Variants in GLIPR1L1 observed in about 807,000 individuals in gnomAD.
GLIPR1L1 encodes GLIPR1-like protein 1.
In GLIPR1L1, 26 loss-of-function variants were observed where a neutral mutation model predicts 29.9. The ratio of observed to expected loss-of-function variants is 0.87; its 90% CI spans 0.64 to 1.21. GLIPR1L1 has a LOEUF of 1.21. GLIPR1L1 is among the 50% of genes most tolerant of loss of function. The pLI is 0.00. For missense variants in GLIPR1L1, 305 were observed against 290.3 expected (o/e 1.05, Z -0.37); for synonymous variants, 77 against 97.5 (o/e 0.79, Z 1.24).
At chr12:75,369,838 T>C (rs2044241525) in intron 4 of GLIPR1L1, 122 bp from the exon 5 acceptor site, 1 of 1,329,804 alleles carries the variant, frequency 7.5e-7, no homozygotes, top group Admixed American at 3.4e-5. Flanking sequence ...TTTCATTTTC[T>C]TGTTAAAAAG....
At chr12:75,354,101 C>T (rs1181866740) in intron 3 of GLIPR1L1, among the ~76,000 whole-genome samples, 4 of 145,082 alleles carry the variant, frequency 2.8e-5, no homozygotes, top group African/African-American at 1.0e-4. Flanking sequence ...AATGTCCTCT[C>T]TCACCACTTC....
chr12:75,359,372 T>TC (rs2043405095), intron 3 of GLIPR1L1, among the ~76,000 whole-genome samples: 1 of 138,360 alleles, frequency 7.2e-6, no homozygotes, highest in African/African-American at 2.7e-5. Context: ...TTTTTTTTTT[T>TC]TTTTTTTTTT....
At position 75,343,997 on chromosome 12, in the gene GLIPR1L1, A is replaced by T. The variant is rs2042289138; in HGVS notation, c.420+59A>T. 1.9e-5 allele frequency: 26 copies of T among 1,400,764 alleles called. No individual in the cohort carries two copies. The South Asian group carries it at 3.1e-4, about 17-fold the overall frequency. The allele number at this position is 1,400,764 out of a possible 1,614,324, so 86.8% of individuals were successfully genotyped here. A position where few individuals can be genotyped will look rare whatever the true frequency, so the allele number is the denominator to read the frequency against. ...ATTTGTGCATATTTTAATTGCCAGA[A>T]TTTATTTCTCTGTATGTAAAGTGCC... On this transcript the variant is annotated intron_variant, in intron 2 of 5. Coordinates refer to ENST00000378695, the MANE Select transcript of GLIPR1L1 (RefSeq NM_001304964.2).
chr12:75,358,354 A>G (rs990190783), intron 3 of GLIPR1L1, among the ~76,000 whole-genome samples: 1 of 151,928 alleles, frequency 6.6e-6, no homozygotes, highest in Non-Finnish European at 1.5e-5. Context: ...GAATCCAACA[A>G]TATTTTAAAA....
chr12:75,337,686 C>T (rs912953898), intron 1 of GLIPR1L1, among the ~76,000 whole-genome samples: 7 of 151,836 alleles, frequency 4.6e-5, no homozygotes, highest in Non-Finnish European at 1.0e-4. Context: ...TTCATATATG[C>T]GTGCCATGTT....
intron 4 of GLIPR1L1, among the ~76,000 whole-genome samples, chr12:75,363,936 A>C (rs1355062100): frequency 6.6e-6 from 1 of 152,228 alleles, no homozygotes; most frequent in African/African-American, 2.4e-5. Context: ...GTCAAAAGTC[A>C]AAGGCAGATT....
rs1314336961 is a variant in GLIPR1L1 at position 75,370,466 on chromosome 12, T to G, written c.*290T>G. 4.6e-6 allele frequency: 1 copy of G among 219,174 alleles called. No homozygotes were observed. The highest frequency in any genetic ancestry group is 9.1e-6 in the Non-Finnish European group (1 of 109,712). The allele number at this position is 219,174 out of a possible 1,614,324, so 13.6% of individuals were successfully genotyped here. On this transcript the variant is annotated 3_prime_UTR_variant, in exon 6 of 6. Transcript: ENST00000378695. ...GATTATCATTTTAGTTATAGTACAT[T>G]TAGAGAACTAAAGACTTTTCACATA...
In GLIPR1L1 at chr12:75,349,680, T is replaced by A. The variant is rs372428077; in HGVS notation, c.521+1958T>A. ...GAGATTTTTTAGAAGTTAAAATTAA[T>A]GAAATATTAGACATTCCAGAAAAAA... is the stretch of plus-strand genomic sequence containing the variant. On this transcript the variant is annotated intron_variant, in intron 3 of 5. Coordinates refer to ENST00000378695, the MANE Select transcript of GLIPR1L1 (RefSeq NM_001304964.2). 2.6e-5 allele frequency among the ~76,000 whole-genome samples: 4 copies of A among 152,242 alleles called. No homozygotes were observed. The East Asian group carries it at 5.8e-4, about 22-fold the overall frequency.
chr12:75,354,170 G>C lies in GLIPR1L1; in HGVS notation c.521+6448G>C, dbSNP rs558010427. 8.3e-5 allele frequency among the ~76,000 whole-genome samples: 12 copies of C among 145,008 alleles called. 1 individual carries two copies. The highest frequency in any genetic ancestry group is 4.8e-4 in the South Asian group (2 of 4,178). ...CAATCAGGGAAGAGAAAAAAAAGGG[G>C]GGGGGGTATTCAAATAGGAAAAGAG... On this transcript the variant is annotated intron_variant, in intron 3 of 5. Transcript: ENST00000378695.
In GLIPR1L1 at chr12:75,363,202, T is replaced by C. The variant is rs201262739; in HGVS notation, c.610+12T>C. On this transcript the variant is annotated intron_variant, in intron 4 of 5. Coordinates refer to ENST00000378695, the MANE Select transcript of GLIPR1L1 (RefSeq NM_001304964.2). ...AAAGAACCTCTGCAGTAAGCAAAAA[T>C]ATATATATATAATTACATTTAGAGA... The C allele has an allele frequency of 8.9e-7, 1 of 1,120,980 alleles. No homozygotes were observed. The highest frequency in any genetic ancestry group is 2.0e-5 in the South Asian group (1 of 51,196). The allele number at this position is 1,120,980 out of a possible 1,614,324, so 69.4% of individuals were successfully genotyped here. A position where few individuals can be genotyped will look rare whatever the true frequency, so the allele number is the denominator to read the frequency against.
chr12:75,342,831 C>G (rs1364537685), intron 1 of GLIPR1L1, among the ~76,000 whole-genome samples: 1 of 151,944 alleles, frequency 6.6e-6, no homozygotes, highest in African/African-American at 2.4e-5. Context: ...TTATTTAAGT[C>G]TTTTACAACT....
intron 1 of GLIPR1L1, among the ~76,000 whole-genome samples, chr12:75,338,979 A>G (rs1392310748): frequency 6.6e-6 from 1 of 152,308 alleles, no homozygotes; most frequent in East Asian, 1.9e-4. Flanking sequence ...TCTGTAGCAC[A>G]TATTTTCTTT....
chr12:75,351,188 T>C (rs1344790922), intron 3 of GLIPR1L1, among the ~76,000 whole-genome samples: 1 of 152,148 alleles, frequency 6.6e-6, no homozygotes, highest in Non-Finnish European at 1.5e-5. Flanking sequence ...TATGAGATTA[T>C]GTAAGATTGA....
chr12:75,361,447 T>C (rs1249855160), intron 3 of GLIPR1L1, among the ~76,000 whole-genome samples: 1 of 152,216 alleles, frequency 6.6e-6, no homozygotes, highest in African/African-American at 2.4e-5. Context: ...AACCCAACCC[T>C]ATCTGCCTAG....
intron 1 of GLIPR1L1, among the ~76,000 whole-genome samples, chr12:75,343,083 T>A (rs1211213161): frequency 6.6e-6 from 1 of 151,960 alleles, no homozygotes; most frequent in Non-Finnish European, 1.5e-5. Context: ...TAATGATAGA[T>A]CCCAATCCTT....
chr12:75,361,690 GAGA>G (rs536849624), intron 3 of GLIPR1L1, among the ~76,000 whole-genome samples: 198 of 152,320 alleles, frequency 1.3e-3, no homozygotes, highest in African/African-American at 4.3e-3. Flanking sequence ...AGAGATAAGA[GAGA>G]AGGAGGAACT....
At position 75,346,036 on chromosome 12, in the gene GLIPR1L1, T is replaced by A. The variant is rs2042422204; in HGVS notation, c.421-1586T>A. On this transcript the variant is annotated intron_variant, in intron 2 of 5. Transcript: ENST00000378695. ...TCTTGCACTTATCACCTACTGATAT[T>A]CATATTAGAGTTACATCCAATGTTC... Among the ~76,000 whole-genome samples the A allele has an allele frequency of 3.9e-5, 6 of 152,228 alleles. No individual in the cohort carries two copies. The South Asian group carries it at 1.2e-3, about 32-fold the overall frequency.
intron 2 of GLIPR1L1, among the ~76,000 whole-genome samples, chr12:75,346,369 C>T (rs1462897837): frequency 1.3e-5 from 2 of 152,170 alleles, no homozygotes; most frequent in African/African-American, 4.8e-5. Flanking sequence ...CTCACCAAAA[C>T]CACAAAGATG....
In GLIPR1L1 at chr12:75,369,426, T is replaced by C. The variant is rs1000812681; in HGVS notation, c.611-534T>C. ...ATTATATCCAAAGCTAGAATCATGC[T>C]GAATACGTAGTAGAAGGTCAAAAAA... On this transcript the variant is annotated intron_variant, in intron 4 of 5. Coordinates refer to ENST00000378695, the MANE Select transcript of GLIPR1L1 (RefSeq NM_001304964.2). The C allele has an allele frequency of 5.0e-5, 33 of 656,318 alleles. 1 individual carries two copies. The highest frequency in any genetic ancestry group is 1.5e-3 in the Middle Eastern group (2 of 1,306). 40.7% of individuals were successfully genotyped at this position (656,318 alleles called of 1,614,324 possible). A position where few individuals can be genotyped will look rare whatever the true frequency, so the allele number is the denominator to read the frequency against.
Sources: gnomAD v4.1 joint callset for allele counts (sites outside exome capture counted in the v4.1 genomes callset) on GRCh38, gnomAD v4.1.1 for gene constraint, MANE v1.5 for transcripts, NCBI Gene and HGNC (gene_info 2026-07-23, HGNC 2026-07-21) for gene names.